RBFOX1: variants seen among roughly 807,000 people sequenced by gnomAD.
RBFOX1 encodes the protein RNA binding protein fox-1 homolog 1.
Under a neutral mutation model 57.7 loss-of-function variants are expected in RBFOX1, and 8 were observed. The ratio of observed to expected loss-of-function variants is 0.14; its 90% CI spans 0.08 to 0.25. RBFOX1 has a LOEUF of 0.25. RBFOX1 is among the 10% of genes least tolerant of loss of function. The pLI is 1.00. For synonymous variants in RBFOX1, 326 were observed against 222.4 expected, an observed-to-expected ratio of 1.47 and a Z score of -4.15; for missense variants, 611 against 548.5, an observed-to-expected ratio of 1.11 and a Z score of -1.14.
At position 5,304,654 on chromosome 16, in the gene RBFOX1, T is replaced by C. The variant is rs112271953; in HGVS notation, c.219+64549T>C. Among the ~76,000 whole-genome samples the C allele has an allele frequency of 3.9e-3, 587 of 152,320 alleles. 4 individuals are homozygous for C. The highest frequency in any genetic ancestry group is 0.013 in the African/African-American group (551 of 41,576). ...ACATTAGTAGTGAATAAATCAGATA[T>C]TGTGGCTCTGTTCATAGAGCTCATG... On this transcript the variant is annotated intron_variant, in intron 1 of 2. Transcript: ENST00000585867.
chr16:5,442,966 C>A (rs1020704143), intron 1 of RBFOX1, among the ~76,000 whole-genome samples: 3 of 152,050 alleles, frequency 2.0e-5, no homozygotes, highest in Non-Finnish European at 4.4e-5. Flanking sequence ...CACAGGGGGA[C>A]AAACATGGAA....
intron 3 of RBFOX1, among the ~76,000 whole-genome samples, chr16:5,771,321 C>T (rs1321068422): frequency 6.6e-6 from 1 of 152,218 alleles, no homozygotes; most frequent in African/African-American, 2.4e-5. Context: ...GTGAGGTCTA[C>T]ATGTACCTGA....
intron 4 of RBFOX1, among the ~76,000 whole-genome samples, chr16:6,005,927 C>G (rs186906444): frequency 5.9e-5 from 9 of 152,174 alleles, no homozygotes; most frequent in Admixed American, 4.6e-4. Context: ...TATTTAGAGA[C>G]GAATGTGTCA....
chr16:7,391,343 A>C (rs12595866), intron 4 of RBFOX1, among the ~76,000 whole-genome samples: 65,373 of 151,982 alleles, frequency 0.43, 15,630 homozygotes, highest in East Asian at 0.61. Context: ...TAGAGGAAAG[A>C]AGTTTCGCGT....
At chr16:7,662,724 G>A (rs552218123) in intron 12 of RBFOX1, among the ~76,000 whole-genome samples, 9 of 152,304 alleles carry the variant, frequency 5.9e-5, no homozygotes, top group East Asian at 1.9e-4. Flanking sequence ...GGTGGGCACC[G>A]GGTCTCAAAC....
At chr16:6,794,645 A>G (rs1050686993) in intron 3 of RBFOX1, among the ~76,000 whole-genome samples, 2 of 152,168 alleles carry the variant, frequency 1.3e-5, no homozygotes, top group Non-Finnish European at 2.9e-5. Context: ...AGCGGGTGAG[A>G]GAAACCAAAC....
intron 4 of RBFOX1, among the ~76,000 whole-genome samples, chr16:5,938,166 C>CA (rs1348287324): frequency 6.6e-6 from 1 of 152,002 alleles, no homozygotes; most frequent in Admixed American, 6.6e-5. Context: ...AACCTGGAAC[C>CA]AAAAAATACT....
At chr16:5,750,457 C>A (rs908841064) in intron 3 of RBFOX1, among the ~76,000 whole-genome samples, 2 of 152,218 alleles carry the variant, frequency 1.3e-5, no homozygotes, top group Non-Finnish European at 2.9e-5. Flanking sequence ...TATGCCGTGC[C>A]CCCAGAGGTG....
chr16:5,602,908 G>C (rs1189229917), downstream of RBFOX1, among the ~76,000 whole-genome samples: 1 of 152,194 alleles, frequency 6.6e-6, no homozygotes, highest in Non-Finnish European at 1.5e-5. Flanking sequence ...CAGGAGAGCT[G>C]ACGGCATATT....
intron 3 of RBFOX1, among the ~76,000 whole-genome samples, chr16:6,819,893 C>A (rs2090958714): frequency 6.6e-6 from 1 of 152,020 alleles, no homozygotes; most frequent in Non-Finnish European, 1.5e-5. Flanking sequence ...TCAAGCATAC[C>A]TTACAGAGCT....
chr16:6,320,692 A>T (rs983320940), intron 2 of RBFOX1, among the ~76,000 whole-genome samples: 10 of 152,174 alleles, frequency 6.6e-5, no homozygotes, highest in Non-Finnish European at 1.5e-4. Context: ...CAGCAGCCAG[A>T]CGGAGCAAGT....
chr16:6,103,595 C>G (rs1198238818), intron 1 of RBFOX1, among the ~76,000 whole-genome samples: 2 of 152,102 alleles, frequency 1.3e-5, no homozygotes, highest in East Asian at 1.9e-4. Context: ...CAGGCTCCTT[C>G]CATCTTGTGA....
intron 2 of RBFOX1, among the ~76,000 whole-genome samples, chr16:6,400,902 A>G (rs2093042954): frequency 6.6e-6 from 1 of 152,180 alleles, no homozygotes; most frequent in Non-Finnish European, 1.5e-5. Context: ...CATACACACA[A>G]AATCAGCATT....
At chr16:7,191,466 C>T (rs1049468690) in intron 4 of RBFOX1, among the ~76,000 whole-genome samples, 1 of 152,012 alleles carries the variant, frequency 6.6e-6, no homozygotes, top group South Asian at 2.1e-4. Flanking sequence ...GAATTGATCA[C>T]AGTGGAATGT....
intron 1 of RBFOX1, among the ~76,000 whole-genome samples, chr16:6,175,280 T>A (rs982366870): frequency 5.9e-5 from 9 of 152,170 alleles, no homozygotes; most frequent in Admixed American, 6.5e-5. Context: ...CCGTAATACG[T>A]CCCTAGGAAC....
chr16:6,001,674 A>T (rs1349860053), intron 4 of RBFOX1, among the ~76,000 whole-genome samples: 3 of 152,204 alleles, frequency 2.0e-5, no homozygotes, highest in Admixed American at 2.0e-4. Flanking sequence ...TTTAATTAGG[A>T]TGTTAATGTT....
intron 2 of RBFOX1, among the ~76,000 whole-genome samples, chr16:6,644,994 A>C (rs2098522245): frequency 6.6e-6 from 1 of 152,174 alleles, no homozygotes; most frequent in Admixed American, 6.5e-5. Flanking sequence ...ATTCTCTGAC[A>C]GCTCTGGAGG....
chr16:6,649,928 C>G (rs1027458100), intron 2 of RBFOX1, among the ~76,000 whole-genome samples: 1 of 152,020 alleles, frequency 6.6e-6, no homozygotes, highest in Non-Finnish European at 1.5e-5. Flanking sequence ...GGCCTTTGGG[C>G]TGGTTCCATA....
At chr16:7,404,641 C>G (rs1365240959) in intron 4 of RBFOX1, among the ~76,000 whole-genome samples, 1 of 152,196 alleles carries the variant, frequency 6.6e-6, no homozygotes, top group East Asian at 1.9e-4. Context: ...CTCAGTCATG[C>G]TGTGCTGCCA....
Sources: allele counts gnomAD v4.1 joint callset (sites outside exome capture counted in the v4.1 genomes callset), GRCh38; gene constraint gnomAD v4.1.1; transcripts MANE v1.5; gene names NCBI Gene and HGNC (gene_info 2026-07-23, HGNC 2026-07-21).